The following AKAP13 variants were observed in gnomAD, a reference collection of about 807,000 sequenced individuals.
The protein encoded by AKAP13 is A-kinase anchor protein 13.
In AKAP13, 80 loss-of-function variants were observed where a neutral mutation model predicts 264.5. The observed-to-expected ratio is 0.30, with a 90% CI of 0.25 to 0.36. The LOEUF (loss-of-function observed/expected upper bound fraction) is 0.36, where lower values mean the gene tolerates loss of function less well. Ranked by LOEUF, AKAP13 falls within the 10% of genes least tolerant of loss-of-function variation. AKAP13 has a pLI of 1.00. For missense variants in AKAP13, 3,712 were observed against 3,435.2 expected (o/e 1.08, Z -2.01); for synonymous variants, 1,380 against 1,250.2 (o/e 1.10, Z -2.19).
At chr15:85,541,060 A>C (rs1248768521) in intron 4 of AKAP13, among the ~76,000 whole-genome samples, 1 of 152,252 alleles carries the variant, frequency 6.6e-6, no homozygotes, top group Non-Finnish European at 1.5e-5. Context: ...AAAGTGGCAC[A>C]AAAGAACTTT....
chr15:85,669,245 A>G (rs1555457534), intron 13 of AKAP13, among the ~76,000 whole-genome samples: 5 of 152,148 alleles, frequency 3.3e-5, no homozygotes, highest in Non-Finnish European at 5.9e-5. Context: ...CTAAAAAAAA[A>G]TAATAATAAA....
chr15:85,693,168 T>C, intron 16 of AKAP13, 109 bp from the exon 17 acceptor site: 1 of 1,399,976 alleles, frequency 7.1e-7, no homozygotes. Flanking sequence ...CTCACTCCTT[T>C]CCAAAATAGT....
intron 14 of AKAP13, among the ~76,000 whole-genome samples, chr15:85,671,489 C>T (rs2083929686): frequency 6.9e-6 from 1 of 145,442 alleles, no homozygotes; most frequent in South Asian, 2.2e-4. Context: ...ATGGGTGATT[C>T]TGTTAACTTT....
intron 8 of AKAP13, among the ~76,000 whole-genome samples, chr15:85,616,587 G>A (rs1422518204): frequency 2.0e-5 from 3 of 152,142 alleles, no homozygotes; most frequent in African/African-American, 4.8e-5. Flanking sequence ...TAGTATGGCT[G>A]TAAATAATAA....
intron 1 of AKAP13, among the ~76,000 whole-genome samples, chr15:85,452,696 T>TGGA (rs2074135041): frequency 6.6e-6 from 1 of 152,204 alleles, no homozygotes; most frequent in Admixed American, 6.5e-5. Context: ...TTAGGCTTAT[T>TGGA]GGACAGCTGG....
Position 85,483,598 on chromosome 15 carries a change from A to G in AKAP13, c.-11-2112A>G, listed in dbSNP as rs112633435. On this transcript the variant is annotated intron_variant, in intron 1 of 36. Transcript: ENST00000394518. Reference sequence around the variant, plus strand: ...CCGAGATTGCGCCACTGCAGTCCGCAGTCCGGCCTGGGCGACAGAGCGAGA... The same window carrying G: ...CCGAGATTGCGCCACTGCAGTCCGCGGTCCGGCCTGGGCGACAGAGCGAGA... Among the ~76,000 whole-genome samples, 1,101 of 136,986 alleles carry G rather than the reference A, an allele frequency of 8.0e-3. 10 individuals are homozygous for G. The highest frequency in any genetic ancestry group is 0.073 in the Middle Eastern group (17 of 234). 89.9% of individuals were successfully genotyped at this position (136,986 alleles called of 152,430 possible).
chr15:85,716,720 G>C (rs1434643495), intron 20 of AKAP13, among the ~76,000 whole-genome samples: 4 of 151,804 alleles, frequency 2.6e-5, no homozygotes, highest in African/African-American at 9.7e-5. Context: ...GTTTTGTTTT[G>C]TCTTTGTATT....
intron 8 of AKAP13, among the ~76,000 whole-genome samples, chr15:85,630,250 C>T (rs527915578): frequency 1.3e-5 from 2 of 150,942 alleles, no homozygotes; most frequent in South Asian, 2.1e-4. Flanking sequence ...CACACACACA[C>T]ACACACACAC....
chr15:85,651,233 C>T (rs2082826424), intron 10 of AKAP13, among the ~76,000 whole-genome samples: 1 of 152,114 alleles, frequency 6.6e-6, no homozygotes, highest in Admixed American at 6.5e-5. Context: ...TATATTGAGG[C>T]ATATAGAAAA....
At chr15:85,709,611 A>G (rs943802504) in intron 18 of AKAP13, among the ~76,000 whole-genome samples, 2 of 152,196 alleles carry the variant, frequency 1.3e-5, no homozygotes, top group Non-Finnish European at 2.9e-5. Flanking sequence ...AATGATCATG[A>G]TAGAGACATA....
intron 1 of AKAP13, among the ~76,000 whole-genome samples, chr15:85,438,298 C>G (rs1439704953): frequency 1.4e-5 from 2 of 140,574 alleles, no homozygotes; most frequent in African/African-American, 5.6e-5. Flanking sequence ...CTACAAACCA[C>G]TGCTCAAGGA....
intron 5 of AKAP13, among the ~76,000 whole-genome samples, chr15:85,550,664 T>C (rs1460767746): frequency 2.6e-5 from 4 of 152,242 alleles, no homozygotes; most frequent in Admixed American, 2.6e-4. Context: ...TTGGAGACTT[T>C]GCTTTTGCAT....
At chr15:85,653,596 A>G (rs959396598) in intron 10 of AKAP13, among the ~76,000 whole-genome samples, 2 of 152,230 alleles carry the variant, frequency 1.3e-5, no homozygotes, top group African/African-American at 4.8e-5. Context: ...GAGTCTCCTT[A>G]TAGTATAGAG....
At chr15:85,583,820 T>G (rs2079222494) in intron 7 of AKAP13, among the ~76,000 whole-genome samples, 1 of 151,066 alleles carries the variant, frequency 6.6e-6, no homozygotes, top group African/African-American at 2.4e-5. Context: ...TGACGGATGT[T>G]TAGGATTTTG....
intron 17 of AKAP13, among the ~76,000 whole-genome samples, chr15:85,698,563 C>T (rs1055819844): frequency 5.9e-5 from 9 of 152,012 alleles, no homozygotes; most frequent in African/African-American, 1.9e-4. Flanking sequence ...GCTTTGCAGC[C>T]CATCAGGTCT....
chr15:85,626,325 A>G (rs969919073), intron 8 of AKAP13, among the ~76,000 whole-genome samples: 13 of 152,262 alleles, frequency 8.5e-5, no homozygotes, highest in African/African-American at 3.1e-4. Context: ...ACATTGTTAT[A>G]TAACCATCCC....
At chr15:85,738,977 A>C (rs2088760815) in intron 33 of AKAP13, among the ~76,000 whole-genome samples, 1 of 152,146 alleles carries the variant, frequency 6.6e-6, no homozygotes, top group African/African-American at 2.4e-5. Flanking sequence ...GTAGAGCTTC[A>C]TATCTTGCTT....
Position 85,664,604 on chromosome 15 carries a change from A to G in AKAP13, c.4841A>G (p.Asn1614Ser), listed in dbSNP as rs751821931. ...TTGACAGGAGGAGCTGGTGTCGGAA[A>G]CAAGCCATCCTCATCTCTAGAAGTA... ...EGLTGGAGVG[N>S]KPSSSLEVSS... Residue 1614 changes from asparagine (N) to serine (S), a missense_variant, in exon 13 of 37, where the codon AAC (asparagine) becomes AGC (serine). Asn to Ser is a conservative substitution (Grantham distance 46, BLOSUM62 1). Transcript: ENST00000394518. The G allele has an allele frequency of 4.3e-6, 7 of 1,613,634 alleles. No individual in the cohort carries two copies. The highest frequency in any genetic ancestry group is 4.2e-6 in the Non-Finnish European group (5 of 1,179,706).
intron 1 of AKAP13, among the ~76,000 whole-genome samples, chr15:85,426,318 A>G (rs1399892821): frequency 1.3e-5 from 2 of 152,212 alleles, no homozygotes; most frequent in African/African-American, 4.8e-5. Context: ...CACTGGGGCA[A>G]GAACTCAGTC....
Sources: gnomAD v4.1 joint callset for allele counts (sites outside exome capture counted in the v4.1 genomes callset) on GRCh38, gnomAD v4.1.1 for gene constraint, MANE v1.5 for transcripts, NCBI Gene and HGNC (gene_info 2026-07-23, HGNC 2026-07-21) for gene names.